MAMSTR: variants seen among roughly 807,000 people sequenced by gnomAD.
MAMSTR encodes the protein MEF2 activating motif and SAP domain containing transcriptional regulator.
In MAMSTR, 41 loss-of-function variants were observed where a neutral mutation model predicts 42.7. The observed-to-expected ratio is 0.96, with a 90% CI of 0.75 to 1.25. The LOEUF (loss-of-function observed/expected upper bound fraction) is 1.25, where lower values mean the gene tolerates loss of function less well. MAMSTR is among the 50% of genes most tolerant of loss of function. The pLI, the probability that MAMSTR is intolerant of heterozygous loss-of-function variation, is 0.00. For missense variants in MAMSTR, 567 were observed against 557.6 expected (o/e 1.02, Z -0.17); for synonymous variants, 265 against 244.1 (o/e 1.09, Z -0.80).
intron 3 of MAMSTR, among the ~76,000 whole-genome samples, chr19:48,716,486 A>G (rs2033040452): frequency 6.6e-6 from 1 of 151,708 alleles, no homozygotes; most frequent in Non-Finnish European, 1.5e-5. Context: ...CAAGCATCTC[A>G]TTAGGGTGGA....
At position 48,715,610 on chromosome 19, in the gene MAMSTR, C is replaced by G. The variant is rs1406578177; in HGVS notation, c.240+15G>C. On this transcript the variant is annotated intron_variant, in intron 4 of 9. Coordinates refer to ENST00000318083, the MANE Select transcript of MAMSTR (RefSeq NM_001130915.2). ...TAGGCTCTCAGAGGGACCTCTCCCT[C>G]CAGTCGAGACTCACCTTCTTTGGGG... The G allele has an allele frequency of 2.6e-6, 4 of 1,526,086 alleles. No homozygotes were observed. The South Asian group carries it at 5.0e-5, about 19-fold the overall frequency. The allele number at this position is 1,526,086 out of a possible 1,614,324, so 94.5% of individuals were successfully genotyped here.
At chr19:48,706,585 T>C in the MAMSTR span, among the ~76,000 whole-genome samples, 15 of 151,868 alleles carry the variant, frequency 9.9e-5, no homozygotes, top group African/African-American at 3.4e-4. Context: ...TGCAGTGAGC[T>C]GAGATCACAC....
At position 48,714,856 on chromosome 19, in the gene MAMSTR, G is replaced by A; in HGVS notation, c.478C>T (p.Pro160Ser). 1.9e-6 allele frequency: 3 copies of A among 1,612,868 alleles called. No homozygotes were observed. Among genetic ancestry groups the A allele is most frequent in the Non-Finnish European group, 2.5e-6 (3 of 1,179,060 alleles). ...PCPPGVPSPS[P>S]PPHKLELQTL... is the part of the protein sequence containing the mutation. ...TGAAGTTCCAACTTGTGTGGGGGGG[G>A]CGAGGGGCTAGGGACTCCTGGTGGG... Residue 160 changes from proline (P) to serine (S), a missense_variant, in exon 6 of 10, where the codon CCC becomes TCC. Coordinates refer to ENST00000318083, the MANE Select transcript of MAMSTR (RefSeq NM_001130915.2).
Position 48,716,750 on chromosome 19 carries a change from A to AGGGAGGAGGGAGGT in MAMSTR, c.59-21_59-8dup. ...TGGATCCGAAGCTGGAGGACTGTGG[A>AGGGAGGAGGGAGGT]GGGAGGAGGGAGGTGGGAGGAGGAA... is the stretch of plus-strand genomic sequence containing the variant. On this transcript the variant is annotated splice_polypyrimidine_tract_variant and splice_region_variant and intron_variant, in intron 2 of 9. Coordinates refer to ENST00000318083, the MANE Select transcript of MAMSTR (RefSeq NM_001130915.2). 1 of 1,301,438 alleles carries AGGGAGGAGGGAGGT rather than the reference A, an allele frequency of 7.7e-7. No homozygotes were observed. The highest frequency in any genetic ancestry group is 9.9e-7 in the Non-Finnish European group (1 of 1,013,718). The allele number at this position is 1,301,438 out of a possible 1,614,324, so 80.6% of individuals were successfully genotyped here.
In MAMSTR at chr19:48,719,347, C is replaced by G. The variant is rs1252362301; in HGVS notation, c.-21-295G>C. ...GGGGAGGGACCTGGAATCTGGGACT[C>G]CTGGGTCCTGAGGAGGAAGGGTTGC... On this transcript the variant is annotated intron_variant, in intron 1 of 9. Coordinates refer to ENST00000318083, the MANE Select transcript of MAMSTR (RefSeq NM_001130915.2). The surrounding 1 kb of genome is among the most constrained non-coding windows in gnomAD (Gnocchi z 4.4). Among the ~76,000 whole-genome samples, 1 of 151,958 alleles carries G rather than the reference C, an allele frequency of 6.6e-6. No individual in the cohort carries two copies. The highest frequency in any genetic ancestry group is 1.5e-5 in the Non-Finnish European group (1 of 67,972).
rs2032779376 is a variant in MAMSTR, at chr19:48,713,081, G to A, written c.*186C>T. 9.0e-6 allele frequency: 5 copies of A among 554,118 alleles called. No homozygotes were observed. The highest frequency in any genetic ancestry group is 1.5e-5 in the Non-Finnish European group (5 of 326,584). The allele number at this position is 554,118 out of a possible 1,614,324, so 34.3% of individuals were successfully genotyped here. On this transcript the variant is annotated 3_prime_UTR_variant, in exon 10 of 10. Transcript: ENST00000318083. ...ATACCACGCCGGAGGGGGATCATAA[G>A]GAGGCCAGGTAGGCAAAGTTAAGGC...
chr19:48,712,647 G>T (rs1230678368), downstream of MAMSTR: 1 of 152,084 alleles, frequency 6.6e-6, no homozygotes, highest in Non-Finnish European at 1.5e-5. Flanking sequence ...GGCCAGGCTG[G>T]TCTCGAACTC....
At chr19:48,708,076 A>G (rs532025307), downstream of MAMSTR, among the ~76,000 whole-genome samples, 7 of 152,034 alleles carry the variant, frequency 4.6e-5, no homozygotes, top group Middle Eastern at 3.4e-3. Context: ...CTCTACTAAA[A>G]ATACAAAATT....
the MAMSTR span, among the ~76,000 whole-genome samples, chr19:48,706,545 A>C: frequency 0.02 from 3,037 of 151,662 alleles, 92 homozygotes; most frequent in African/African-American, 0.067. Flanking sequence ...GCTGAGACAG[A>C]AGAATCGCTT....
downstream of MAMSTR, among the ~76,000 whole-genome samples, chr19:48,711,871 G>T (rs529385641): frequency 6.8e-6 from 1 of 147,138 alleles, no homozygotes; most frequent in Non-Finnish European, 1.5e-5. Context: ...TCAGCCTCCC[G>T]AGTAGCTGGG....
At chr19:48,714,713 C>G in intron 6 of MAMSTR, 93 bp downstream of exon 6, 1 of 1,297,850 alleles carries the variant, frequency 7.7e-7, no homozygotes, top group Non-Finnish European at 1.1e-6. Context: ...TACCCGATCT[C>G]CTGGATTTCC....
At chr19:48,708,814 G>A (rs1348984549), downstream of MAMSTR, among the ~76,000 whole-genome samples, 1 of 152,112 alleles carries the variant, frequency 6.6e-6, no homozygotes, top group East Asian at 1.9e-4. Context: ...GAGACTGACA[G>A]GGATGACGGA....
chr19:48,710,471 G>A (rs1209412073), downstream of MAMSTR, among the ~76,000 whole-genome samples: 1 of 147,202 alleles, frequency 6.8e-6, no homozygotes, highest in Non-Finnish European at 1.5e-5. Context: ...GCCCAGGCTG[G>A]AGTGCACTGG....
rs1285762030 is a variant in MAMSTR at position 48,719,648 on chromosome 19, G to C, written c.-22+31C>G. On this transcript the variant is annotated intron_variant, in intron 1 of 9. Coordinates refer to ENST00000318083, the MANE Select transcript of MAMSTR (RefSeq NM_001130915.2). This position sits in a 1 kb window ranked among gnomAD's most constrained non-coding sequence, Gnocchi z 4.4. ...AGGGGATAGAACCGTTGAGGAGTGC[G>C]CCCCCCCCGTCCACCCCAGGGGCTT... 1 of 152,130 alleles carries C rather than the reference G, an allele frequency of 6.6e-6. No individual in the cohort carries two copies. The highest frequency in any genetic ancestry group is 2.4e-5 in the African/African-American group (1 of 41,188). 9.4% of individuals were successfully genotyped at this position (152,130 alleles called of 1,614,324 possible).
chr19:48,713,736 T>C lies in MAMSTR; in HGVS notation c.944A>G (p.Glu315Gly). ...CCTACCATCAGGCTCCACCTGATCC[T>C]CCAGGATGTCATCGATGCCCCGGTT... Reference protein sequence around the residue: ...LPNRGIDDILEDQVEPDDPLP... With the variant: ...LPNRGIDDILGDQVEPDDPLP... Residue 315 changes from glutamate to glycine, a missense_variant, in exon 9 of 10, where the codon GAG becomes GGG. By Grantham distance (98) the Glu-to-Gly change is moderately conservative (BLOSUM62 -2). Transcript: ENST00000318083. The C allele has an allele frequency of 6.2e-7, 1 of 1,614,164 alleles. No individual in the cohort carries two copies. Among genetic ancestry groups the C allele is most frequent in the Admixed American group, 1.7e-5 (1 of 60,016 alleles).
At chr19:48,708,231 C>CAAAAAAAA (rs66744711), downstream of MAMSTR, among the ~76,000 whole-genome samples, 3 of 118,830 alleles carry the variant, frequency 2.5e-5, no homozygotes, top group African/African-American at 9.2e-5. Context: ...TGAACTCCAT[C>CAAAAAAAA]AAAAAAAAAA....
At chr19:48,717,693 C>T (rs1261074866) in intron 2 of MAMSTR, among the ~76,000 whole-genome samples, 1 of 151,262 alleles carries the variant, frequency 6.6e-6, no homozygotes, top group Non-Finnish European at 1.5e-5. Context: ...CACCACCACA[C>T]CCGGCTAATT....
chr19:48,714,307 C>T, intron 7 of MAMSTR, 59 bp downstream of exon 7: 3 of 1,312,736 alleles, frequency 2.3e-6, no homozygotes, highest in African/African-American at 1.5e-5. Context: ...TTCGACACCC[C>T]GCCCCGGCCC....
At chr19:48,714,167 G>A in intron 7 of MAMSTR, 122 bp from the exon 8 acceptor site, 3 of 1,168,676 alleles carry the variant, frequency 2.6e-6, no homozygotes, top group Non-Finnish European at 3.5e-6. Context: ...AACCCCTTTG[G>A]CCTCGCCCCC....
Sources: gnomAD v4.1 joint callset for allele counts (sites outside exome capture counted in the v4.1 genomes callset) on GRCh38, gnomAD v4.1.1 for gene constraint, Gnocchi (gnomAD v3.1) non-coding constraint, MANE v1.5 for transcripts, NCBI Gene and HGNC (gene_info 2026-07-23, HGNC 2026-07-21) for gene names.